MRTFB: variants seen among roughly 807,000 people sequenced by gnomAD.
MRTFB encodes the protein myocardin-related transcription factor B.
MRTFB carries 29 observed loss-of-function variants against 104.2 expected under a neutral mutation model. The ratio of observed to expected loss-of-function variants is 0.28; its 90% CI spans 0.21 to 0.38. MRTFB has a LOEUF of 0.38. Ranked by LOEUF, MRTFB falls within the 10% of genes least tolerant of loss-of-function variation. The pLI, the probability that MRTFB is intolerant of heterozygous loss-of-function variation, is 1.00. For synonymous variants in MRTFB, 535 were observed against 519.5 expected (o/e 1.03, Z -0.41); for missense variants, 1,270 against 1,341.6 (o/e 0.95, Z 0.83).
At chr16:14,208,360 A>G (rs1172720312) in intron 3 of MRTFB, among the ~76,000 whole-genome samples, 1 of 152,158 alleles carries the variant, frequency 6.6e-6, no homozygotes, top group African/African-American at 2.4e-5. Flanking sequence ...CAAAAAACGT[A>G]TTGTGTCTGA....
intron 3 of MRTFB, among the ~76,000 whole-genome samples, chr16:14,195,323 A>G (rs2040385054): frequency 6.6e-6 from 1 of 152,210 alleles, no homozygotes; most frequent in African/African-American, 2.4e-5. Context: ...TTGGTCCATC[A>G]TCGTCTGGAT....
At chr16:14,112,740 G>T (rs1438824313) in intron 2 of MRTFB, among the ~76,000 whole-genome samples, 1 of 152,190 alleles carries the variant, frequency 6.6e-6, no homozygotes, top group Non-Finnish European at 1.5e-5. Flanking sequence ...TTGCCTTGGG[G>T]GCCGTTTGCA....
the MRTFB span, among the ~76,000 whole-genome samples, chr16:14,056,978 T>C: frequency 1.3e-5 from 2 of 152,180 alleles, no homozygotes; most frequent in Admixed American, 1.3e-4. Flanking sequence ...TATGCTCCCT[T>C]CTCACCCTTC....
At chr16:14,039,004 G>C in the MRTFB span, among the ~76,000 whole-genome samples, 1 of 152,106 alleles carries the variant, frequency 6.6e-6, no homozygotes, top group Non-Finnish European at 1.5e-5. Context: ...GAACAGTATG[G>C]GGGAAACTGC....
In MRTFB at chr16:14,246,875, T is replaced by C; in HGVS notation, c.1615T>C (p.Leu539=). The change falls in exon 12 of 17, where the codon TTG becomes CTG. Residue 539 remains leucine (L), a synonymous_variant. Coordinates refer to ENST00000571589, the MANE Select transcript of MRTFB (RefSeq NM_001308142.2). ...IMTMMSPSQF[L]SSSPLRMTNN... The stretch of plus-strand genomic sequence containing the variant: ...GACCATGATGTCGCCTTCACAGTTC[T>C]TGAGTTCATCTCCTTTGAGAATGAC... 1.2e-6 allele frequency: 2 copies of C among 1,613,374 alleles called. No individual in the cohort carries two copies. The highest frequency in any genetic ancestry group is 1.7e-6 in the Non-Finnish European group (2 of 1,180,006).
intron 6 of MRTFB, among the ~76,000 whole-genome samples, chr16:14,216,066 G>T (rs921713667): frequency 6.6e-5 from 10 of 152,242 alleles, no homozygotes; most frequent in Admixed American, 5.9e-4. Flanking sequence ...TCGCAATAGC[G>T]GTCACAACAG....
the MRTFB span, among the ~76,000 whole-genome samples, chr16:14,037,950 C>T: frequency 2.5e-4 from 38 of 152,184 alleles, no homozygotes; most frequent in Admixed American, 2.5e-3. Flanking sequence ...TCATCTCTAC[C>T]TTTGGACCTA....
intron 13 of MRTFB, among the ~76,000 whole-genome samples, chr16:14,249,757 T>G (rs2043176255): frequency 6.6e-6 from 1 of 152,214 alleles, no homozygotes; most frequent in Non-Finnish European, 1.5e-5. Context: ...CAGAAAAATC[T>G]TATGCCTCAA....
At chr16:14,163,349 G>T (rs958338301) in intron 3 of MRTFB, among the ~76,000 whole-genome samples, 3 of 152,130 alleles carry the variant, frequency 2.0e-5, no homozygotes, top group Non-Finnish European at 2.9e-5. Flanking sequence ...TTTGTGGGGA[G>T]ATCAAGTCAT....
At chr16:14,221,524 T>C (rs1206292929) in intron 8 of MRTFB, among the ~76,000 whole-genome samples, 2 of 152,228 alleles carry the variant, frequency 1.3e-5, no homozygotes, top group African/African-American at 4.8e-5. Flanking sequence ...GTCTGTTTTT[T>C]CCTGCTTTAG....
chr16:14,192,223 T>A (rs2040218068), intron 3 of MRTFB, among the ~76,000 whole-genome samples: 1 of 148,302 alleles, frequency 6.7e-6, no homozygotes, highest in South Asian at 2.1e-4. Flanking sequence ...AAAAAAAAAA[T>A]AAGCCAGGTG....
At chr16:14,236,160 C>T (rs1233230953) in intron 9 of MRTFB, among the ~76,000 whole-genome samples, 1 of 146,116 alleles carries the variant, frequency 6.8e-6, no homozygotes, top group Admixed American at 6.7e-5. Flanking sequence ...CAGCCTACTC[C>T]AGCCTGGGTG....
chr16:14,015,161 A>C, the MRTFB span, among the ~76,000 whole-genome samples: 1 of 152,204 alleles, frequency 6.6e-6, no homozygotes, highest in South Asian at 2.1e-4. Context: ...GTATTGCTTT[A>C]AAGGGAAACA....
chr16:14,219,056 A>G (rs1013822529), intron 8 of MRTFB, 58 bp downstream of exon 8: 7 of 1,477,088 alleles, frequency 4.7e-6, no homozygotes, highest in South Asian at 1.4e-5. Context: ...TTTTTTTAAT[A>G]TATTAAGGTA....
intron 9 of MRTFB, among the ~76,000 whole-genome samples, chr16:14,237,279 AGAG>A (rs1028345024): frequency 1.3e-5 from 2 of 152,218 alleles, no homozygotes; most frequent in African/African-American, 4.8e-5. Context: ...AACATTTTAG[AGAG>A]GAGAACCAGC....
chr16:14,072,814 C>G (rs961880302), intron 1 of MRTFB, among the ~76,000 whole-genome samples: 2 of 152,198 alleles, frequency 1.3e-5, no homozygotes, highest in Admixed American at 6.5e-5. Context: ...AAATAACAGA[C>G]TGTCTCAATA....
chr16:14,082,487 T>C (rs1451451916), intron 2 of MRTFB, among the ~76,000 whole-genome samples: 2 of 152,194 alleles, frequency 1.3e-5, no homozygotes, highest in African/African-American at 4.8e-5. Context: ...CTCCAACTTT[T>C]TTATTTTATT....
chr16:14,260,533 A>G (rs530187668), intron 16 of MRTFB, among the ~76,000 whole-genome samples: 1 of 152,302 alleles, frequency 6.6e-6, no homozygotes, highest in African/African-American at 2.4e-5. Flanking sequence ...ATGACAAAAT[A>G]ACGACTCAAA....
At chr16:14,063,708 CACCCAGTGCTAGGTCAAGG>C in the MRTFB span, among the ~76,000 whole-genome samples, 2 of 152,208 alleles carry the variant, frequency 1.3e-5, no homozygotes, top group African/African-American at 2.4e-5. Flanking sequence ...ACCTCTGCCG[CACCCAGTGCTAGGTCAAGG>C]ATGGGCAGGA....
Sources: gnomAD v4.1 joint callset for allele counts (sites outside exome capture counted in the v4.1 genomes callset) on GRCh38, gnomAD v4.1.1 for gene constraint, MANE v1.5 for transcripts, NCBI Gene and HGNC (gene_info 2026-07-23, HGNC 2026-07-21) for gene names.